Variants in CASK observed in about 807,000 individuals in gnomAD.
The protein encoded by CASK is peripheral plasma membrane protein CASK.
Under a neutral mutation model 82.9 loss-of-function variants are expected in CASK, and 4 were observed. The ratio of observed to expected loss-of-function variants is 0.05; its 90% CI spans 0.02 to 0.11. The LOEUF (loss-of-function observed/expected upper bound fraction) is 0.11. CASK is among the 10% of genes least tolerant of loss of function. CASK has a pLI of 1.00. For synonymous variants in CASK, 259 were observed against 253.5 expected, an observed-to-expected ratio of 1.02 and a Z score of -0.20; for missense variants, 358 against 720.9, an observed-to-expected ratio of 0.50 and a Z score of 5.76.
intron 3 of CASK, among the ~76,000 whole-genome samples, chrX:41,781,220 A>G (rs1389302376): frequency 6.2e-5 from 7 of 112,867 alleles, no homozygotes; most frequent in African/African-American, 1.9e-4. Context: ...TATAGGCGTA[A>G]GCCACTGAGC....
At chrX:41,838,313 C>T (rs1259330601) in intron 2 of CASK, among the ~76,000 whole-genome samples, 3 of 112,674 alleles carry the variant, frequency 2.7e-5, no homozygotes, top group African/African-American at 9.7e-5. Context: ...CTTTTAACCA[C>T]TATCCAATTG....
intron 2 of CASK, 35 bp from the exon 3 acceptor site, chrX:41,787,318 A>G: frequency 1.2e-6 from 1 of 817,964 alleles, no homozygotes; most frequent in Non-Finnish European, 1.9e-6. Context: ...TTCATTAGGT[A>G]GGAACAAAAG....
At chrX:41,643,473 T>C (rs2066697464) in intron 8 of CASK, among the ~76,000 whole-genome samples, 1 of 111,921 alleles carries the variant, frequency 8.9e-6, no homozygotes, top group Admixed American at 9.5e-5. Flanking sequence ...TAGCTCTCCT[T>C]GAAGAGGTCC....
At chrX:41,575,737 T>C (rs1300242425) in intron 15 of CASK, among the ~76,000 whole-genome samples, 1 of 111,293 alleles carries the variant, frequency 9.0e-6, no homozygotes, top group Non-Finnish European at 1.9e-5. Flanking sequence ...GCATTAGAGA[T>C]TGACACTCTA....
chrX:41,624,788 G>A (rs954715779), intron 10 of CASK, among the ~76,000 whole-genome samples: 1 of 111,582 alleles, frequency 9.0e-6, no homozygotes, highest in African/African-American at 3.3e-5. Flanking sequence ...GGTACCAACA[G>A]GAAAGAAGCA....
intron 5 of CASK, among the ~76,000 whole-genome samples, chrX:41,724,821 A>T (rs924281751): frequency 5.7e-4 from 64 of 111,793 alleles, no homozygotes; most frequent in African/African-American, 2.0e-3. Flanking sequence ...ATTCATACAG[A>T]AGCACCATTA....
intron 10 of CASK, among the ~76,000 whole-genome samples, chrX:41,623,212 A>G (rs1214614825): frequency 8.9e-6 from 1 of 111,733 alleles, no homozygotes; most frequent in Non-Finnish European, 1.9e-5. Flanking sequence ...AGCAATACAC[A>G]GTTCATCATA....
rs190278007 is a variant in CASK, at chrX:41,726,709, A to G, written c.429+12675T>C. 69 of 154,942 alleles carry G rather than the reference A, an allele frequency of 4.5e-4. No homozygotes were observed. The East Asian group carries it at 8.6e-3, about 19-fold the overall frequency. 12.8% of individuals were successfully genotyped at this position (154,942 alleles called of 1,213,427 possible). A position where few individuals can be genotyped will look rare whatever the true frequency, so the allele number is the denominator to read the frequency against. On this transcript the variant is annotated intron_variant, in intron 5 of 26. Transcript: ENST00000378163. ...TTGTTTTACAATCTAAGAACTATAC[A>G]TTTCTCTAAGTAAAATTATAAATCC...
At chrX:41,615,516 C>A (rs1444232121) in intron 11 of CASK, among the ~76,000 whole-genome samples, 1 of 111,965 alleles carries the variant, frequency 8.9e-6, no homozygotes, top group Non-Finnish European at 1.9e-5. Context: ...ACTTATGAAA[C>A]CACAATAACA....
intron 1 of CASK, among the ~76,000 whole-genome samples, chrX:41,905,231 T>C (rs1430419600): frequency 8.9e-6 from 1 of 112,451 alleles, no homozygotes; most frequent in African/African-American, 3.2e-5. Flanking sequence ...ATATACATTT[T>C]TAATTCTCTT....
At chrX:41,626,537 C>T (rs1002916021) in intron 10 of CASK, 67 bp downstream of exon 10, 1 of 695,680 alleles carries the variant, frequency 1.4e-6, no homozygotes, top group Non-Finnish European at 2.3e-6. Flanking sequence ...AGTTTATTCA[C>T]AATGGGAGAG....
At chrX:41,548,626 G>C (rs1330759710) in intron 21 of CASK, among the ~76,000 whole-genome samples, 1 of 111,444 alleles carries the variant, frequency 9.0e-6, no homozygotes, top group Non-Finnish European at 1.9e-5. Context: ...GGCATACAGA[G>C]GAGGCTGATA....
chrX:41,695,924 C>A, intron 5 of CASK: 1 of 1,205,604 alleles, frequency 8.3e-7, no homozygotes, highest in Non-Finnish European at 1.1e-6. Context: ...TTAACGTAGC[C>A]ATTGCAGACC....
At chrX:41,657,299 C>T (rs2066956426) in intron 8 of CASK, among the ~76,000 whole-genome samples, 1 of 112,320 alleles carries the variant, frequency 8.9e-6, no homozygotes, top group African/African-American at 3.2e-5. Flanking sequence ...AGAAAGGATA[C>T]TGTTTCTTAG....
At chrX:41,687,923 A>T (rs1443213304) in intron 5 of CASK, among the ~76,000 whole-genome samples, 1 of 102,548 alleles carries the variant, frequency 9.8e-6, no homozygotes, top group Non-Finnish European at 2.0e-5. Flanking sequence ...GTGCCATTGT[A>T]CAATCTCTTG....
At chrX:41,565,851 G>A (rs148141339) in intron 16 of CASK, among the ~76,000 whole-genome samples, 1 of 111,663 alleles carries the variant, frequency 9.0e-6, no homozygotes, top group East Asian at 2.8e-4. Flanking sequence ...ATACTGGAAC[G>A]TCGAATCCAG....
chrX:41,709,185 A>C (rs956383937), intron 5 of CASK, among the ~76,000 whole-genome samples: 1 of 112,049 alleles, frequency 8.9e-6, no homozygotes, highest in Non-Finnish European at 1.9e-5. Context: ...AGATGCCACC[A>C]CCAAGGAAAC....
intron 3 of CASK, chrX:41,748,385 G>A (rs1181369882): frequency 1.4e-5 from 2 of 147,380 alleles, no homozygotes; most frequent in African/African-American, 6.3e-5. Context: ...TCATAGAGCT[G>A]GGAAAATTGT....
intron 15 of CASK, among the ~76,000 whole-genome samples, chrX:41,570,146 G>T (rs753631771): frequency 1.9e-5 from 2 of 107,568 alleles, no homozygotes; most frequent in Admixed American, 2.0e-4. Context: ...GGGATTAAAG[G>T]TGCCTGCCAC....
Sources: gnomAD v4.1 joint callset for allele counts (sites outside exome capture counted in the v4.1 genomes callset) on GRCh38, gnomAD v4.1.1 for gene constraint, MANE v1.5 for transcripts, NCBI Gene and HGNC (gene_info 2026-07-23, HGNC 2026-07-21) for gene names.